Variants in NAA50 observed in about 807,000 individuals in gnomAD.
NAA50 encodes the protein N-alpha-acetyltransferase 50, NatE catalytic subunit.
NAA50 carries 7 observed loss-of-function variants against 20.7 expected under a neutral mutation model. The ratio of observed to expected loss-of-function variants is 0.34; its 90% CI spans 0.19 to 0.63. The LOEUF (loss-of-function observed/expected upper bound fraction) is 0.63, where lower values mean the gene tolerates loss of function less well. Ranked by LOEUF, NAA50 falls within the 30% of genes least tolerant of loss-of-function variation. The pLI is 0.75. For missense variants in NAA50, 111 were observed against 199.1 expected (o/e 0.56, Z 2.66); for synonymous variants, 54 against 70.6 (o/e 0.77, Z 1.18).
At chr3:113,725,990 C>G (rs1708193957) in intron 1 of NAA50, among the ~76,000 whole-genome samples, 1 of 152,140 alleles carries the variant, frequency 6.6e-6, no homozygotes, top group Non-Finnish European at 1.5e-5. Context: ...ACACAAAAGA[C>G]AGCATAAAGC....
chr3:113,723,400 TA>T (rs780135088), intron 3 of NAA50, 21 bp downstream of exon 3: 2 of 1,590,818 alleles, frequency 1.3e-6, no homozygotes, highest in Non-Finnish European at 8.6e-7. Flanking sequence ...TCTGAAGAAG[TA>T]AAAAAACCAC....
chr3:113,745,278 C>A (rs1377857422), intron 1 of NAA50, among the ~76,000 whole-genome samples: 1 of 152,148 alleles, frequency 6.6e-6, no homozygotes, highest in Non-Finnish European at 1.5e-5. Flanking sequence ...CCTCAGCACT[C>A]AGGGGCAATA....
intron 1 of NAA50, 64 bp downstream of exon 1, chr3:113,745,878 C>G: frequency 6.4e-7 from 1 of 1,563,070 alleles, no homozygotes; most frequent in Middle Eastern, 1.7e-4. Context: ...CGGCTCTCCC[C>G]CTCTACATGG....
chr3:113,735,669 A>G (rs1198323423), intron 1 of NAA50, among the ~76,000 whole-genome samples: 1 of 152,142 alleles, frequency 6.6e-6, no homozygotes, highest in Non-Finnish European at 1.5e-5. Context: ...GGTCACAACT[A>G]TTTGACCCAC....
chr3:113,746,048 G>A lies in NAA50; in HGVS notation c.-99C>T. The A allele has an allele frequency of 6.6e-7, 1 of 1,506,670 alleles. No individual in the cohort carries two copies. The highest frequency in any genetic ancestry group is 9.0e-7 in the Non-Finnish European group (1 of 1,115,370). The allele number at this position is 1,506,670 out of a possible 1,614,324, so 93.3% of individuals were successfully genotyped here. ...CCCTTAGCTCGGGCCACTCAACCCC[G>A]CAAGCCGGCCTCCTAGCCTGGGCAG... is the stretch of plus-strand genomic sequence containing the variant. On this transcript the variant is annotated 5_prime_UTR_variant, in exon 1 of 5. Coordinates refer to ENST00000240922, the MANE Select transcript of NAA50 (RefSeq NM_025146.4).
At chr3:113,736,110 T>C (rs1331096583) in intron 1 of NAA50, among the ~76,000 whole-genome samples, 1 of 152,264 alleles carries the variant, frequency 6.6e-6, no homozygotes, top group Non-Finnish European at 1.5e-5. Context: ...CTACTTTATG[T>C]GGTTCCTGTT....
At chr3:113,726,900 T>C (rs2107986551) in intron 1 of NAA50, among the ~76,000 whole-genome samples, 1 of 152,318 alleles carries the variant, frequency 6.6e-6, no homozygotes, top group Non-Finnish European at 1.5e-5. Flanking sequence ...GCTCAAGTGA[T>C]CTTCCCACCT....
chr3:113,734,574 G>C (rs1431410252), intron 1 of NAA50, among the ~76,000 whole-genome samples: 3 of 152,188 alleles, frequency 2.0e-5, no homozygotes, highest in African/African-American at 7.2e-5. Context: ...AAAACTCAAA[G>C]TAGAAAGTAA....
intron 1 of NAA50, chr3:113,745,600 G>T: frequency 3.0e-6 from 1 of 329,150 alleles, no homozygotes. Flanking sequence ...GCGGGCCGGC[G>T]TGGCTCAGCG....
chr3:113,720,275 C>T lies in NAA50; in HGVS notation c.*1485G>A, dbSNP rs924759003. On this transcript the variant is annotated 3_prime_UTR_variant, in exon 5 of 5. Transcript: ENST00000240922. ...CATATTTGGAAATGAGACTTTATAC[C>T]GCAATTTTACATAAGAGGATAAATA... is the stretch of plus-strand genomic sequence containing the variant. 18 of 152,234 alleles carry T rather than the reference C, an allele frequency of 1.2e-4. No individual in the cohort carries two copies. Among genetic ancestry groups the T allele is most frequent in the Non-Finnish European group, 2.2e-4 (15 of 67,988 alleles). The allele number at this position is 152,234 out of a possible 1,614,324, so 9.4% of individuals were successfully genotyped here.
chr3:113,723,159 A>G (rs1200526495), intron 3 of NAA50, among the ~76,000 whole-genome samples, 187 bp from the exon 4 acceptor site: 1 of 152,226 alleles, frequency 6.6e-6, no homozygotes, highest in Non-Finnish European at 1.5e-5. Context: ...AACTGTTAGC[A>G]GAAGACTAAC....
At chr3:113,739,665 T>C (rs1428836477) in intron 1 of NAA50, 2 of 152,218 alleles carry the variant, frequency 1.3e-5, no homozygotes, top group African/African-American at 4.8e-5. Context: ...AGTGACTGAA[T>C]GGCAACACTT....
Position 113,746,207 on chromosome 3 carries a change from G to GCCGCTGCCGCCAGCCAGAC in NAA50, c.-277_-259dup, listed in dbSNP as rs1341117162. On this transcript the variant is annotated 5_prime_UTR_variant, in exon 1 of 5. Coordinates refer to ENST00000240922, the MANE Select transcript of NAA50 (RefSeq NM_025146.4). ...CACTCGGGTCTCTCGGCTCCCTCCC[G>GCCGCTGCCGCCAGCCAGAC]CCGCTGCCGCCAGCCAGACCCGCTG... 4.6e-4 allele frequency: 230 copies of GCCGCTGCCGCCAGCCAGAC among 498,870 alleles called. 3 individuals carry two copies. The highest frequency in any genetic ancestry group is 1.0e-3 in the African/African-American group (50 of 48,748). The allele number at this position is 498,870 out of a possible 1,614,324, so 30.9% of individuals were successfully genotyped here.
intron 1 of NAA50, among the ~76,000 whole-genome samples, chr3:113,729,954 C>T (rs1313138813): frequency 6.6e-6 from 1 of 152,042 alleles, no homozygotes; most frequent in Non-Finnish European, 1.5e-5. Flanking sequence ...GTGTAAATAG[C>T]ATATAGTTGG....
intron 1 of NAA50, among the ~76,000 whole-genome samples, chr3:113,728,054 T>C (rs1263132447): frequency 6.9e-6 from 1 of 144,136 alleles, no homozygotes; most frequent in Non-Finnish European, 1.5e-5. Context: ...AACTTGTAAA[T>C]ATAAGTTAGC....
chr3:113,721,703 T>C lies in NAA50; in HGVS notation c.*57A>G, dbSNP rs895575629. 1 of 1,583,036 alleles carries C rather than the reference T, an allele frequency of 6.3e-7. No individual in the cohort carries two copies. The highest frequency in any genetic ancestry group is 2.2e-5 in the East Asian group (1 of 44,718). On this transcript the variant is annotated 3_prime_UTR_variant, in exon 5 of 5. Coordinates refer to ENST00000240922, the MANE Select transcript of NAA50 (RefSeq NM_025146.4). ...AGTGTTGGGGTGGGGGAGGAATCAA[T>C]GGGCCTCTCTTTTATTTGGCGACAA...
chr3:113,732,710 C>A (rs1326686573), intron 1 of NAA50, among the ~76,000 whole-genome samples: 1 of 152,128 alleles, frequency 6.6e-6, no homozygotes, highest in Non-Finnish European at 1.5e-5. Context: ...TGCAAAGACC[C>A]TATTTCTAAC....
intron 2 of NAA50, 179 bp from the exon 3 acceptor site, chr3:113,723,720 T>C (rs1385097718): frequency 4.9e-6 from 4 of 813,396 alleles, no homozygotes; most frequent in African/African-American, 1.7e-5. Context: ...CTCTAGAGTA[T>C]AGCTTAAAGT....
At chr3:113,723,384 T>TG (rs1417627870) in intron 3 of NAA50, 38 bp downstream of exon 3, 1 of 1,577,332 alleles carries the variant, frequency 6.3e-7, no homozygotes, top group African/African-American at 1.4e-5. Flanking sequence ...AATATGTTTA[T>TG]GCTTCTCTGA....
Sources: gnomAD v4.1 joint callset for allele counts (sites outside exome capture counted in the v4.1 genomes callset) on GRCh38, gnomAD v4.1.1 for gene constraint, MANE v1.5 for transcripts, NCBI Gene and HGNC (gene_info 2026-07-23, HGNC 2026-07-21) for gene names.